Variants in CASZ1 observed in about 807,000 individuals in gnomAD.
CASZ1 encodes zinc finger protein castor homolog 1.
CASZ1 carries 28 observed loss-of-function variants against 135.2 expected under a neutral mutation model. That is an observed-to-expected ratio of 0.21 (90% CI 0.15 to 0.28). The LOEUF (loss-of-function observed/expected upper bound fraction) is 0.28, where lower values mean the gene tolerates loss of function less well. Among genes scored for constraint, CASZ1 ranks in the 10% least tolerant of loss-of-function variants. The pLI is 1.00. For missense variants in CASZ1, 2,161 were observed against 2,453.3 expected (o/e 0.88, Z 2.52); for synonymous variants, 1,068 against 1,073.4 (o/e 0.99, Z 0.10).
chr1:10,746,444 G>A (rs1451659282), intron 2 of CASZ1, among the ~76,000 whole-genome samples: 1 of 152,228 alleles, frequency 6.6e-6, no homozygotes, highest in African/African-American at 2.4e-5. Flanking sequence ...GGAAAAAATA[G>A]TGGCAAAAAG....
chr1:10,776,666 ATC>A lies in CASZ1; in HGVS notation c.-233-15811_-233-15810del, dbSNP rs1197920665. 2.6e-5 allele frequency among the ~76,000 whole-genome samples: 4 copies of A among 152,152 alleles called. No homozygotes were observed. The highest frequency in any genetic ancestry group is 9.7e-5 in the African/African-American group (4 of 41,430). ...TCCTGGGAGTCCTGGGGAAACTGGC[ATC>A]TCTGGTTTGACAGGTTGTGGGAGAG... On this transcript the variant is annotated intron_variant, in intron 1 of 20. Coordinates refer to ENST00000377022, the MANE Select transcript of CASZ1 (RefSeq NM_001079843.3). This position sits in a 1 kb window ranked among gnomAD's most constrained non-coding sequence, Gnocchi z 4.1.
At chr1:10,651,993 G>A (rs1642605539) in intron 11 of CASZ1, 1 of 152,376 alleles carries the variant, frequency 6.6e-6, no homozygotes, top group Non-Finnish European at 1.5e-5. Flanking sequence ...CGTGGCCAGC[G>A]AGGCCCCACC....
chr1:10,763,024 C>T (rs1278329882), intron 1 of CASZ1, among the ~76,000 whole-genome samples: 1 of 152,210 alleles, frequency 6.6e-6, no homozygotes. Context: ...CCTCCTTTTC[C>T]CCCACGGTCT....
At chr1:10,754,592 T>C (rs1371329220) in intron 2 of CASZ1, among the ~76,000 whole-genome samples, 1 of 152,166 alleles carries the variant, frequency 6.6e-6, no homozygotes, top group Non-Finnish European at 1.5e-5. Flanking sequence ...CACACCCTCG[T>C]CCTAAGCATT....
At chr1:10,649,583 T>C in intron 13 of CASZ1, 146 bp from the exon 14 acceptor site, 7 of 903,144 alleles carry the variant, frequency 7.8e-6, no homozygotes, top group Non-Finnish European at 9.9e-6. Flanking sequence ...TACTTGGCTC[T>C]GGCTGTGGCT....
Position 10,654,471 on chromosome 1 carries a change from C to G in CASZ1, c.1786G>C (p.Gly596Arg). 1 of 1,614,246 alleles carries G rather than the reference C, an allele frequency of 6.2e-7. No homozygotes were observed. Among genetic ancestry groups the G allele is most frequent in the Non-Finnish European group, 8.5e-7 (1 of 1,180,048 alleles). The change falls in exon 10 of 21, where the codon GGC (glycine) becomes CGC (arginine). Residue 596 changes from glycine (G) to arginine (R), a missense_variant. Gly to Arg is a moderately radical substitution (Grantham distance 125). Coordinates refer to ENST00000377022, the MANE Select transcript of CASZ1 (RefSeq NM_001079843.3). ...FQRFRATEDC[G>R]TADCQFYGQK... Reference sequence around the variant, plus strand: ...CCGTAGAACTGGCAGTCGGCTGTGCCACAGTCTTCGGTGGCTCGGAAGCGC... The same window carrying G: ...CCGTAGAACTGGCAGTCGGCTGTGCGACAGTCTTCGGTGGCTCGGAAGCGC...
At chr1:10,693,021 C>T (rs984559228) in intron 4 of CASZ1, among the ~76,000 whole-genome samples, 7 of 152,276 alleles carry the variant, frequency 4.6e-5, no homozygotes, top group Non-Finnish European at 8.8e-5. Flanking sequence ...CCCGCAAGAG[C>T]TGAAGGCAAA....
In CASZ1 at chr1:10,725,776, T is replaced by G. The variant is rs1450285808; in HGVS notation, c.-76-20232A>C. 2.2e-5 allele frequency among the ~76,000 whole-genome samples: 3 copies of G among 138,446 alleles called. No homozygotes were observed. The highest frequency in any genetic ancestry group is 5.5e-5 in the African/African-American group (2 of 36,516). The allele number at this position is 138,446 out of a possible 152,430, so 90.8% of individuals were successfully genotyped here. ...ATGATCCTGGGGAACCCTGGACAGGTGAGTGACAAGACAGCGGCAGTGGGG... is the reference window on the plus strand; with the variant it reads ...ATGATCCTGGGGAACCCTGGACAGGGGAGTGACAAGACAGCGGCAGTGGGG... On this transcript the variant is annotated intron_variant, in intron 2 of 20. Coordinates refer to ENST00000377022, the MANE Select transcript of CASZ1 (RefSeq NM_001079843.3). This position sits in a 1 kb window ranked among gnomAD's most constrained non-coding sequence, Gnocchi z 4.4.
At chr1:10,681,102 T>C (rs2100359195) in intron 4 of CASZ1, among the ~76,000 whole-genome samples, 1 of 152,278 alleles carries the variant, frequency 6.6e-6, no homozygotes, top group Non-Finnish European at 1.5e-5. Context: ...GGTTTCGCCA[T>C]GTTGGCCCGG....
chr1:10,703,259 T>C (rs1314837888), intron 3 of CASZ1, among the ~76,000 whole-genome samples: 2 of 152,056 alleles, frequency 1.3e-5, no homozygotes, highest in Non-Finnish European at 2.9e-5. Flanking sequence ...ATTCCCACCT[T>C]GGCCCACAGC....
At chr1:10,791,454 G>A (rs1386324730) in intron 1 of CASZ1, among the ~76,000 whole-genome samples, 1 of 152,172 alleles carries the variant, frequency 6.6e-6, no homozygotes, top group Non-Finnish European at 1.5e-5. Flanking sequence ...TACTTATTTT[G>A]GAGTGCTTCC....
chr1:10,667,013 T>C (rs1372373096), intron 4 of CASZ1, among the ~76,000 whole-genome samples: 2 of 152,132 alleles, frequency 1.3e-5, no homozygotes, highest in African/African-American at 2.4e-5. Flanking sequence ...AGTCTCCACA[T>C]AGGCGGGAAG....
Position 10,650,730 on chromosome 1 carries a change from G to A in CASZ1, c.2842C>T (p.Pro948Ser). The A allele has an allele frequency of 6.2e-7, 1 of 1,614,164 alleles. No homozygotes were observed. Among genetic ancestry groups the A allele is most frequent in the Non-Finnish European group, 8.5e-7 (1 of 1,179,982 alleles). ...PSNESNGHAV[P>S]ANSSLLSSLM... Reference sequence around the variant, plus strand: ...GAGGATAAAAGAGATGAATTTGCCGGGACTGCGTGGCCATTTGATTCGTTG... The same window carrying A: ...GAGGATAAAAGAGATGAATTTGCCGAGACTGCGTGGCCATTTGATTCGTTG... Residue 948 changes from proline to serine, a missense_variant, in exon 13 of 21, where the codon CCG becomes TCG. Transcript: ENST00000377022.
chr1:10,728,166 C>A (rs1382670795), intron 2 of CASZ1, among the ~76,000 whole-genome samples: 1 of 152,240 alleles, frequency 6.6e-6, no homozygotes, highest in African/African-American at 2.4e-5. Flanking sequence ...CCAGGCCGCA[C>A]ACGGGAGGAC....
At chr1:10,708,048 T>C (rs1487903877) in intron 2 of CASZ1, among the ~76,000 whole-genome samples, 2 of 152,196 alleles carry the variant, frequency 1.3e-5, no homozygotes, top group African/African-American at 4.8e-5. Flanking sequence ...CGTCTGTCCA[T>C]CTGTCCATCC....
intron 5 of CASZ1, among the ~76,000 whole-genome samples, chr1:10,661,732 A>C (rs998662396): frequency 6.7e-6 from 1 of 150,278 alleles, no homozygotes; most frequent in Non-Finnish European, 1.5e-5. Context: ...CACACACACA[A>C]AACATACACA....
At chr1:10,795,809 TC>T (rs926714110) in intron 1 of CASZ1, among the ~76,000 whole-genome samples, 10 of 151,744 alleles carry the variant, frequency 6.6e-5, no homozygotes, top group East Asian at 2.0e-4. Flanking sequence ...GGGGCGCCGC[TC>T]CCCCCATCTA....
intron 2 of CASZ1, among the ~76,000 whole-genome samples, chr1:10,729,175 G>A (rs1422080414): frequency 6.6e-6 from 1 of 152,194 alleles, no homozygotes; most frequent in Non-Finnish European, 1.5e-5. Context: ...CGGCGTTGAA[G>A]GCAGGTGGCC....
Position 10,756,697 on chromosome 1 carries a change from T to C in CASZ1, c.-77+4004A>G, listed in dbSNP as rs887556187. 6.6e-6 allele frequency among the ~76,000 whole-genome samples: 1 copy of C among 152,174 alleles called. No individual in the cohort carries two copies. The highest frequency in any genetic ancestry group is 2.4e-5 in the African/African-American group (1 of 41,438). Reference sequence around the variant, plus strand: ...ACTGGCCTTCAGGCGAGCGGGGTACTGGGGCAATTCACACCTTTGTGTGTG... The same window carrying C: ...ACTGGCCTTCAGGCGAGCGGGGTACCGGGGCAATTCACACCTTTGTGTGTG... On this transcript the variant is annotated intron_variant, in intron 2 of 20. Coordinates refer to ENST00000377022, the MANE Select transcript of CASZ1 (RefSeq NM_001079843.3). The surrounding 1 kb of genome is among the most constrained non-coding windows in gnomAD (Gnocchi z 5.9).
Sources: gnomAD v4.1 joint callset for allele counts (sites outside exome capture counted in the v4.1 genomes callset) on GRCh38, gnomAD v4.1.1 for gene constraint, Gnocchi (gnomAD v3.1) non-coding constraint, MANE v1.5 for transcripts, NCBI Gene and HGNC (gene_info 2026-07-23, HGNC 2026-07-21) for gene names.